Variants in BRCA1 observed in about 807,000 individuals in gnomAD.
BRCA1 encodes BRCA1 DNA repair associated.
In BRCA1, 140 loss-of-function variants were observed where a neutral mutation model predicts 173.7. That is an observed-to-expected ratio of 0.81 (90% CI 0.70 to 0.93). The LOEUF is 0.93. BRCA1 is among the 40% of genes least tolerant of loss of function. BRCA1 has a pLI of 0.00. For missense variants in BRCA1, 1,983 were observed against 2,172.5 expected (o/e 0.91, Z 1.73); for synonymous variants, 662 against 756.0 (o/e 0.88, Z 2.04).
intron 1 of BRCA1, chr17:43,168,248 A>C: frequency 4.7e-6 from 2 of 421,238 alleles, no homozygotes; most frequent in Non-Finnish European, 9.6e-6. Context: ...AGATAAATCT[A>C]TCTCTTTCTG....
intron 1 of BRCA1, among the ~76,000 whole-genome samples, chr17:43,157,258 C>CAAATAACACTATTTCCAGTCATGG (rs2056203222): frequency 6.6e-6 from 1 of 152,146 alleles, no homozygotes; most frequent in Non-Finnish European, 1.5e-5. Flanking sequence ...ATAGCTACCA[C>CAAATAACACTATTTCCAGTCATGG]AAATAACACT....
chr17:43,072,025 AAAAT>A lies in BRCA1; in HGVS notation c.4676-791_4676-788del, dbSNP rs548641533. 2.7e-3 allele frequency among the ~76,000 whole-genome samples: 403 copies of A among 151,618 alleles called. 6 individuals carry two copies. The highest frequency in any genetic ancestry group is 9.4e-3 in the African/African-American group (390 of 41,310). The stretch of plus-strand genomic sequence containing the variant: ...TCCGTCTCAAAAAAATAAATAAATA[AAAAT>A]AAATAAATAAATAAAAGTTTATGTA... On this transcript the variant is annotated intron_variant, in intron 14 of 22. Transcript: ENST00000357654.
chr17:43,060,081 T>C (rs1323776084), intron 18 of BRCA1, among the ~76,000 whole-genome samples: 2 of 151,990 alleles, frequency 1.3e-5, no homozygotes, highest in African/African-American at 4.8e-5. Context: ...AATTTTTTTT[T>C]GTTTTTGAGA....
chr17:43,108,178 A>G (rs1000610622), intron 3 of BRCA1, among the ~76,000 whole-genome samples: 1 of 151,870 alleles, frequency 6.6e-6, no homozygotes, highest in Non-Finnish European at 1.5e-5. Flanking sequence ...TCTCTACTAA[A>G]TATTCAAAAA....
intron 19 of BRCA1, among the ~76,000 whole-genome samples, chr17:43,053,190 C>T (rs568583007): frequency 1.3e-5 from 2 of 152,256 alleles, no homozygotes; most frequent in African/African-American, 4.8e-5. Flanking sequence ...ACTCTCACTA[C>T]CTGTATGAAT....
intron 11 of BRCA1, among the ~76,000 whole-genome samples, chr17:43,086,642 C>T (rs1468317317): frequency 6.6e-6 from 1 of 152,126 alleles, no homozygotes; most frequent in Admixed American, 6.5e-5. Flanking sequence ...AAAACAAGGA[C>T]ATTGTATATT....
intron 2 of BRCA1, among the ~76,000 whole-genome samples, chr17:43,118,721 G>A (rs1299300235): frequency 6.6e-6 from 1 of 151,386 alleles, no homozygotes; most frequent in Non-Finnish European, 1.5e-5. Context: ...ACAGGTGTGA[G>A]CTACTATACC....
Position 43,074,594 on chromosome 17 carries a change from C to T in BRCA1, c.4485-73G>A, listed in dbSNP as rs193221861. 3 of 1,378,836 alleles carry T rather than the reference C, an allele frequency of 2.2e-6. No individual in the cohort carries two copies. The East Asian group carries it at 7.1e-5, about 32-fold the overall frequency. 85.4% of individuals were successfully genotyped at this position (1,378,836 alleles called of 1,614,324 possible). On this transcript the variant is annotated intron_variant, in intron 13 of 22. Transcript: ENST00000357654. ...GGACAAATCATACTTGCTGGGCAGC[C>T]AAAGCATAAATGAAACAGCTCATGT...
intron 1 of BRCA1, 87 bp from the exon 2 acceptor site, chr17:43,124,202 AAATTT>A (rs2055758384): frequency 2.4e-6 from 2 of 835,078 alleles, no homozygotes; most frequent in South Asian, 3.3e-5. Context: ...AAAATAAAGT[AAATTT>A]AAGATTTGGA....
chr17:43,067,780 T>C lies in BRCA1; in HGVS notation c.4987-85A>G, dbSNP rs1450949667. ...CTAGTTATTCCACCATGGCATATGT[T>C]TACCTATGTAGCAATCCTGCACGTT... On this transcript the variant is annotated intron_variant, in intron 15 of 22. Transcript: ENST00000357654. 6.7e-6 allele frequency: 7 copies of C among 1,042,384 alleles called. No homozygotes were observed. In the East Asian group the frequency reaches 1.7e-4, roughly 25 times the overall value. The allele number at this position is 1,042,384 out of a possible 1,614,324, so 64.6% of individuals were successfully genotyped here.
chr17:43,048,401 C>T (rs2051031484), intron 21 of BRCA1, among the ~76,000 whole-genome samples: 1 of 152,030 alleles, frequency 6.6e-6, no homozygotes, highest in South Asian at 2.1e-4. Flanking sequence ...CGGGGTTTCG[C>T]CATGTTGGTT....
chr17:43,073,938 G>A (rs2052567516), intron 14 of BRCA1, among the ~76,000 whole-genome samples: 1 of 151,952 alleles, frequency 6.6e-6, no homozygotes, highest in African/African-American at 2.4e-5. Flanking sequence ...TGTATTTTTA[G>A]TAGAGACAGG....
At chr17:43,159,867 G>GA (rs2056224278) in intron 1 of BRCA1, 1 of 155,754 alleles carries the variant, frequency 6.4e-6, no homozygotes, top group Non-Finnish European at 1.4e-5. Context: ...AAATAAATGT[G>GA]AACAGTACAG....
At chr17:43,089,623 C>G (rs1460902102) in intron 11 of BRCA1, among the ~76,000 whole-genome samples, 2 of 150,892 alleles carry the variant, frequency 1.3e-5, no homozygotes, top group Non-Finnish European at 2.9e-5. Context: ...TCTCAGCTCA[C>G]TGCAACCTCC....
rs80357099 is a variant in BRCA1, at chr17:43,091,785, G to A, written c.3746C>T (p.Thr1249Ile). Residue 1249 changes from threonine to isoleucine, a missense_variant, in exon 10 of 23, where the codon ACC becomes ATC. Physicochemically the swap from Thr to Ile is moderately conservative, Grantham distance 89 (BLOSUM62 -1). Transcript: ENST00000357654. ...CTCTGTGTTCTTAGACAGACACTCG[G>A]TAGCAACGGTGCTATGCCTAGTAGA... ...SQSTRHSTVA[T>I]ECLSKNTEEN... 1 of 1,614,156 alleles carries A rather than the reference G, an allele frequency of 6.2e-7. No homozygotes were observed. The highest frequency in any genetic ancestry group is 8.5e-7 in the Non-Finnish European group (1 of 1,180,026).
Position 43,104,903 on chromosome 17 carries a change from A to G in BRCA1, c.266T>C (p.Ile89Thr), listed in dbSNP as rs80357097. Reference sequence around the variant, plus strand: ...TGTGTCAAGCTGAAAAGCACAAATGATTTTCAATAGCTCTTCAACAAGTTG... The same window carrying G: ...TGTGTCAAGCTGAAAAGCACAAATGGTTTTCAATAGCTCTTCAACAAGTTG... Reference protein sequence around the residue: ...FSQLVEELLKIICAFQLDTGL... With the variant: ...FSQLVEELLKTICAFQLDTGL... Residue 89 changes from isoleucine (I) to threonine (T), a missense_variant, in exon 5 of 23, where the codon ATC becomes ACC. By Grantham distance (89) the Ile-to-Thr change is moderately conservative (BLOSUM62 -1). Transcript: ENST00000357654. 1.2e-6 allele frequency: 2 copies of G among 1,613,964 alleles called. No homozygotes were observed. Among genetic ancestry groups the G allele is most frequent in the East Asian group, 4.5e-5 (2 of 44,842 alleles).
chr17:43,079,199 CA>C (rs963309205), intron 12 of BRCA1: 47 of 748,098 alleles, frequency 6.3e-5, no homozygotes, highest in Non-Finnish European at 9.5e-5. Context: ...CAAAACAAAA[CA>C]AAAAAAATGA....
intron 1 of BRCA1, 70 bp from the exon 2 acceptor site, chr17:43,124,185 TCATTTTAA>T (rs1653901035): frequency 1.1e-6 from 1 of 930,572 alleles, no homozygotes; most frequent in African/African-American, 1.7e-5. Flanking sequence ...CTTCATTTTA[TCATTTTAA>T]AATAAAGTAA....
At chr17:43,061,883 C>A (rs1218111634) in intron 18 of BRCA1, among the ~76,000 whole-genome samples, 1 of 152,080 alleles carries the variant, frequency 6.6e-6, no homozygotes, top group East Asian at 1.9e-4. Flanking sequence ...CCACGCCTGG[C>A]CTATAAAATT....
Sources: allele counts gnomAD v4.1 joint callset (sites outside exome capture counted in the v4.1 genomes callset), GRCh38; gene constraint gnomAD v4.1.1; transcripts MANE v1.5; gene names NCBI Gene and HGNC (gene_info 2026-07-23, HGNC 2026-07-21).